RERG: variants seen among roughly 807,000 people sequenced by gnomAD.
The protein encoded by RERG is ras-related and estrogen-regulated growth inhibitor.
Under a neutral mutation model 23.2 loss-of-function variants are expected in RERG, and 25 were observed. That is an observed-to-expected ratio of 1.08 (90% confidence interval 0.79 to 1.50). The LOEUF (loss-of-function observed/expected upper bound fraction) is 1.50, where lower values mean the gene tolerates loss of function less well. RERG is among the 40% of genes most tolerant of loss of function. The pLI, the probability that RERG is intolerant of heterozygous loss-of-function variation, is 0.00. For synonymous variants in RERG, 81 were observed against 89.1 expected, an observed-to-expected ratio of 0.91 and a Z score of 0.51; for missense variants, 253 against 250.1, an observed-to-expected ratio of 1.01 and a Z score of -0.08.
At chr12:15,144,407 G>A (rs970235609) in intron 2 of RERG, among the ~76,000 whole-genome samples, 1 of 152,104 alleles carries the variant, frequency 6.6e-6, no homozygotes, top group African/African-American at 2.4e-5. Context: ...CATAGCTATA[G>A]GAGTACCCTG....
At chr12:15,158,004 T>G (rs1354871250) in intron 2 of RERG, among the ~76,000 whole-genome samples, 1 of 152,126 alleles carries the variant, frequency 6.6e-6, no homozygotes, top group Non-Finnish European at 1.5e-5. Context: ...TTGGAAACAT[T>G]TTGCCTCCTT....
intron 2 of RERG, among the ~76,000 whole-genome samples, chr12:15,145,421 T>C (rs1211405530): frequency 2.0e-5 from 3 of 152,244 alleles, no homozygotes; most frequent in Middle Eastern, 3.4e-3. Flanking sequence ...CAAATCCCCT[T>C]TGATTAAGGA....
At chr12:15,153,463 T>G (rs1195871287) in intron 2 of RERG, among the ~76,000 whole-genome samples, 3 of 152,122 alleles carry the variant, frequency 2.0e-5, no homozygotes, top group Non-Finnish European at 4.4e-5. Context: ...TCTTTAGAAA[T>G]TTGCTTAAAG....
intron 2 of RERG, among the ~76,000 whole-genome samples, chr12:15,128,291 G>A (rs553431711): frequency 7.9e-5 from 12 of 152,086 alleles, no homozygotes; most frequent in Non-Finnish European, 1.8e-4. Context: ...GAAGATTTTT[G>A]TTTTTTTCTT....
chr12:15,113,651 A>G (rs1463243035), intron 3 of RERG, among the ~76,000 whole-genome samples: 1 of 151,940 alleles, frequency 6.6e-6, no homozygotes, highest in Non-Finnish European at 1.5e-5. Context: ...ATAAAAATGA[A>G]CAAAACCATT....
chr12:15,134,623 T>C (rs1278421865), intron 2 of RERG, among the ~76,000 whole-genome samples: 1 of 152,098 alleles, frequency 6.6e-6, no homozygotes, highest in African/African-American at 2.4e-5. Context: ...TCTTTTATTA[T>C]ATATATTTTT....
intron 2 of RERG, among the ~76,000 whole-genome samples, chr12:15,186,052 T>C (rs958538354): frequency 2.0e-5 from 3 of 151,888 alleles, no homozygotes; most frequent in Non-Finnish European, 2.9e-5. Context: ...AAAATTGAAC[T>C]GAGAAAGCCT....
In RERG at chr12:15,187,506, C is replaced by A. The variant is rs74068754; in HGVS notation, c.61+29923G>T. ...CATGAATTAAGGCCAAACATATTTACTACATTTTCTTAGTCATTTAGCTAT... is the reference window on the plus strand; with the variant it reads ...CATGAATTAAGGCCAAACATATTTAATACATTTTCTTAGTCATTTAGCTAT... On this transcript the variant is annotated intron_variant, in intron 2 of 4. Coordinates refer to ENST00000256953, the MANE Select transcript of RERG (RefSeq NM_032918.3). 6.4e-3 allele frequency among the ~76,000 whole-genome samples: 971 copies of A among 152,024 alleles called. 8 individuals are homozygous for A. Among genetic ancestry groups the A allele is most frequent in the African/African-American group, 0.022 (907 of 41,468 alleles).
intron 2 of RERG, among the ~76,000 whole-genome samples, chr12:15,207,849 TA>T (rs1865313850): frequency 6.6e-6 from 1 of 152,042 alleles, no homozygotes; most frequent in South Asian, 2.1e-4. Context: ...ACTGAGGGGA[TA>T]AAGTTAAAGT....
chr12:15,121,341 A>C (rs1329302833), intron 2 of RERG, among the ~76,000 whole-genome samples: 1 of 152,212 alleles, frequency 6.6e-6, no homozygotes, highest in African/African-American at 2.4e-5. Flanking sequence ...ATTGTGCATT[A>C]GTCAACAATT....
chr12:15,220,353 C>T (rs1273766072), intron 1 of RERG, among the ~76,000 whole-genome samples: 2 of 151,172 alleles, frequency 1.3e-5, no homozygotes, highest in Non-Finnish European at 3.0e-5. Flanking sequence ...GTTTTTTTTT[C>T]CCTAAACATA....
intron 2 of RERG, among the ~76,000 whole-genome samples, chr12:15,143,697 G>A (rs1565517682): frequency 6.6e-6 from 1 of 152,002 alleles, no homozygotes; most frequent in Non-Finnish European, 1.5e-5. Flanking sequence ...TTTTAGTACA[G>A]GCAAACAGAT....
At chr12:15,171,799 A>G (rs1864781941) in intron 2 of RERG, among the ~76,000 whole-genome samples, 1 of 152,214 alleles carries the variant, frequency 6.6e-6, no homozygotes, top group Non-Finnish European at 1.5e-5. Flanking sequence ...CTCTGACTAC[A>G]TGCTACCTAA....
chr12:15,141,009 C>A (rs1385014623), intron 2 of RERG, among the ~76,000 whole-genome samples: 3 of 152,004 alleles, frequency 2.0e-5, no homozygotes, highest in African/African-American at 7.2e-5. Context: ...CTTTCTCTTT[C>A]TTTTTATGGT....
chr12:15,120,467 T>C (rs1370924321), intron 3 of RERG, among the ~76,000 whole-genome samples: 1 of 139,600 alleles, frequency 7.2e-6, no homozygotes, highest in Non-Finnish European at 1.5e-5. Flanking sequence ...AATCTTGGAG[T>C]GACAAAAATA....
intron 2 of RERG, among the ~76,000 whole-genome samples, chr12:15,204,778 A>C (rs1466768764): frequency 6.6e-6 from 1 of 151,908 alleles, no homozygotes; most frequent in Non-Finnish European, 1.5e-5. Context: ...GCTAAATTGC[A>C]CATAACACAA....
At chr12:15,156,027 GATA>G (rs1864517795) in intron 2 of RERG, among the ~76,000 whole-genome samples, 1 of 149,936 alleles carries the variant, frequency 6.7e-6, no homozygotes, top group African/African-American at 2.4e-5. Flanking sequence ...TATAAATATT[GATA>G]TACTGTTAGA....
intron 2 of RERG, among the ~76,000 whole-genome samples, chr12:15,153,776 T>C (rs1196690559): frequency 6.6e-6 from 1 of 152,198 alleles, no homozygotes; most frequent in Non-Finnish European, 1.5e-5. Flanking sequence ...ATGGGTTGAA[T>C]TGTGTCCCCT....
chr12:15,135,621 G>C (rs73304796), intron 2 of RERG, among the ~76,000 whole-genome samples: 2,050 of 152,220 alleles, frequency 0.013, 52 homozygotes, highest in African/African-American at 0.047. Context: ...CCATTAGGGT[G>C]TTAAGATTTT....
Sources: allele counts gnomAD v4.1 joint callset (sites outside exome capture counted in the v4.1 genomes callset), GRCh38; gene constraint gnomAD v4.1.1; transcripts MANE v1.5; gene names NCBI Gene and HGNC (gene_info 2026-07-23, HGNC 2026-07-21).